Variants in PDE1A observed in about 807,000 individuals in gnomAD.
The protein encoded by PDE1A is dual specificity calcium/calmodulin-dependent 3',5'-cyclic nucleotide phosphodiesterase 1A.
In PDE1A, 35 loss-of-function variants were observed where a neutral mutation model predicts 61.7. That is an observed-to-expected ratio of 0.57 (90% confidence interval 0.43 to 0.75). The LOEUF (loss-of-function observed/expected upper bound fraction) is 0.75, where lower values mean the gene tolerates loss of function less well. Among genes scored for constraint, PDE1A ranks in the 30% least tolerant of loss-of-function variants. PDE1A has a pLI of 0.00. For synonymous variants in PDE1A, 232 were observed against 213.2 expected, an observed-to-expected ratio of 1.09 and a Z score of -0.77; for missense variants, 597 against 630.6, an observed-to-expected ratio of 0.95 and a Z score of 0.57.
At chr2:182,310,072 T>C (rs78549117) in intron 1 of PDE1A, among the ~76,000 whole-genome samples, 3,972 of 152,204 alleles carry the variant, frequency 0.026, 154 homozygotes, top group African/African-American at 0.091. Flanking sequence ...GCAGAAAATA[T>C]AGATGAGGCA....
chr2:182,179,632 T>C (rs1001901463), intron 13 of PDE1A, among the ~76,000 whole-genome samples: 8 of 152,104 alleles, frequency 5.3e-5, no homozygotes, highest in Admixed American at 1.3e-4. Context: ...GTAGGTTTTC[T>C]ACCTCTCTCC....
chr2:182,208,273 G>C (rs535447721), intron 7 of PDE1A, among the ~76,000 whole-genome samples: 2 of 152,102 alleles, frequency 1.3e-5, no homozygotes, highest in Non-Finnish European at 2.9e-5. Context: ...CATGGCTGGT[G>C]GGGGCAGGGG....
At chr2:182,664,262 G>A in the PDE1A span, among the ~76,000 whole-genome samples, 3 of 152,162 alleles carry the variant, frequency 2.0e-5, no homozygotes. Flanking sequence ...CCAATAACTT[G>A]CAGTTCTGCT....
At chr2:182,463,947 A>G (rs1686479932) in intron 2 of PDE1A, among the ~76,000 whole-genome samples, 1 of 152,182 alleles carries the variant, frequency 6.6e-6, no homozygotes, top group African/African-American at 2.4e-5. Flanking sequence ...ACTTCTGGCA[A>G]GGATATGAAG....
intron 2 of PDE1A, among the ~76,000 whole-genome samples, chr2:182,517,042 A>AC (rs1245031618): frequency 1.3e-5 from 2 of 152,136 alleles, no homozygotes; most frequent in East Asian, 3.9e-4. Flanking sequence ...CTGGAGGGTG[A>AC]TAAGTCTGCC....
chr2:182,693,574 CAT>C, the PDE1A span, among the ~76,000 whole-genome samples: 3 of 150,982 alleles, frequency 2.0e-5, no homozygotes, highest in African/African-American at 2.4e-5. Flanking sequence ...CCTTATCAGA[CAT>C]ATGTTTTTCA....
intron 1 of PDE1A, among the ~76,000 whole-genome samples, chr2:182,274,790 T>C (rs573214533): frequency 6.6e-6 from 1 of 152,238 alleles, no homozygotes; most frequent in Non-Finnish European, 1.5e-5. Context: ...TTTTACAGAA[T>C]TTCCCTTGCT....
At chr2:182,245,089 A>T (rs1190510249) in intron 2 of PDE1A, among the ~76,000 whole-genome samples, 1 of 152,202 alleles carries the variant, frequency 6.6e-6, no homozygotes, top group African/African-American at 2.4e-5. Context: ...CTCCTCAAGA[A>T]GTTTTTAATT....
rs1299831104 is a variant in PDE1A at position 182,267,071 on chromosome 2, T to C, written c.54-2657A>G. Reference sequence around the variant, plus strand: ...GAATGGAGAAATCTTCATTATCAAATGAGATGATGAGTACCCTAGGAGACC... The same window carrying C: ...GAATGGAGAAATCTTCATTATCAAACGAGATGATGAGTACCCTAGGAGACC... On this transcript the variant is annotated intron_variant, in intron 1 of 13. Transcript: ENST00000351439. 2.6e-5 allele frequency among the ~76,000 whole-genome samples: 4 copies of C among 152,094 alleles called. No individual in the cohort carries two copies. In the East Asian group the frequency reaches 7.7e-4, roughly 29 times the overall value.
At chr2:182,652,240 T>C in the PDE1A span, among the ~76,000 whole-genome samples, 1 of 152,190 alleles carries the variant, frequency 6.6e-6, no homozygotes, top group Admixed American at 6.5e-5. Context: ...ACCTGTCCCT[T>C]GACTATAAGT....
chr2:182,408,745 T>G (rs1559431946), intron 1 of PDE1A, among the ~76,000 whole-genome samples: 1 of 152,226 alleles, frequency 6.6e-6, no homozygotes, highest in Non-Finnish European at 1.5e-5. Flanking sequence ...ACTGCTCATT[T>G]TCTTCCATTC....
intron 2 of PDE1A, among the ~76,000 whole-genome samples, chr2:182,478,888 T>A (rs1364572493): frequency 2.0e-5 from 3 of 151,872 alleles, no homozygotes; most frequent in African/African-American, 4.8e-5. Context: ...ACTAGACCCC[T>A]TAATCTGGCC....
chr2:182,272,333 A>C (rs573317296), intron 1 of PDE1A, among the ~76,000 whole-genome samples: 2 of 152,144 alleles, frequency 1.3e-5, no homozygotes, highest in Non-Finnish European at 2.9e-5. Flanking sequence ...TGCTGTCGCT[A>C]TCTTGAAATT....
chr2:182,379,724 T>C (rs1256320600), intron 1 of PDE1A, among the ~76,000 whole-genome samples: 2 of 152,246 alleles, frequency 1.3e-5, no homozygotes, highest in African/African-American at 4.8e-5. Context: ...TGTATTTATT[T>C]ATGAAATATT....
chr2:182,178,717 T>C (rs1290820806), intron 13 of PDE1A, among the ~76,000 whole-genome samples: 1 of 152,046 alleles, frequency 6.6e-6, no homozygotes, highest in Admixed American at 6.6e-5. Context: ...AGAGAGCGCC[T>C]GCAGTATTCA....
intron 2 of PDE1A, among the ~76,000 whole-genome samples, chr2:182,519,007 C>T (rs541026056): frequency 5.7e-4 from 86 of 152,028 alleles, no homozygotes; most frequent in African/African-American, 2.0e-3. Flanking sequence ...CAGTACATGA[C>T]ACAAAAAGGC....
At chr2:182,275,188 T>A (rs920583977) in intron 1 of PDE1A, among the ~76,000 whole-genome samples, 4 of 150,870 alleles carry the variant, frequency 2.7e-5, no homozygotes, top group South Asian at 2.1e-4. Flanking sequence ...GCTTTGGGAG[T>A]TCCTGCAGAA....
chr2:182,157,372 G>A (rs1271950664), intron 13 of PDE1A, among the ~76,000 whole-genome samples: 2 of 152,056 alleles, frequency 1.3e-5, no homozygotes, highest in African/African-American at 4.8e-5. Flanking sequence ...ATCCATTGTA[G>A]ATCTTAAAAC....
intron 2 of PDE1A, chr2:182,242,208 G>A (rs1452487976): frequency 8.0e-6 from 3 of 373,698 alleles, no homozygotes; most frequent in Non-Finnish European, 1.2e-5. Flanking sequence ...AAGGCTATAT[G>A]TCCTATACTC....
Sources: gnomAD v4.1 joint callset for allele counts (sites outside exome capture counted in the v4.1 genomes callset) on GRCh38, gnomAD v4.1.1 for gene constraint, MANE v1.5 for transcripts, NCBI Gene and HGNC (gene_info 2026-07-23, HGNC 2026-07-21) for gene names.